The following ARAF variants were observed in gnomAD, a reference collection of about 807,000 sequenced individuals.
ARAF encodes serine/threonine-protein kinase A-Raf.
In ARAF, 18 loss-of-function variants were observed where a neutral mutation model predicts 48.0. That is an observed-to-expected ratio of 0.37 (90% confidence interval 0.26 to 0.56). The LOEUF is 0.56. Ranked by LOEUF, ARAF falls within the 20% of genes least tolerant of loss-of-function variation. The pLI, the probability that ARAF is intolerant of heterozygous loss-of-function variation, is 0.77. For missense variants in ARAF, 389 were observed against 543.1 expected, an observed-to-expected ratio of 0.72 and a Z score of 2.82; for synonymous variants, 207 against 220.1, an observed-to-expected ratio of 0.94 and a Z score of 0.53.
chrX:47,570,139 A>C, intron 14 of ARAF, 115 bp downstream of exon 14: 1 of 902,318 alleles, frequency 1.1e-6, no homozygotes. Context: ...GAAACCTAAA[A>C]TTTTCTAGGA....
intron 10 of ARAF, 91 bp downstream of exon 10, chrX:47,567,523 T>C (rs1356017041): frequency 1.0e-6 from 1 of 963,567 alleles, no homozygotes; most frequent in African/African-American, 1.9e-5. Context: ...TTCCTGGACA[T>C]CACCTGTGTT....
intron 3 of ARAF, 44 bp from the exon 4 acceptor site, chrX:47,564,752 GC>G (rs1214209895): frequency 1.5e-5 from 16 of 1,085,291 alleles, no homozygotes; most frequent in Admixed American, 2.6e-5. Flanking sequence ...CCTCCCCATG[GC>G]CCCTACCCAA....
At position 47,567,567 on chromosome X, in the gene ARAF, C is replaced by T. The variant is rs767450736; in HGVS notation, c.1076+135C>T. 6.0e-5 allele frequency: 42 copies of T among 695,975 alleles called. No individual in the cohort carries two copies. The African/African-American group carries it at 8.6e-4, about 14-fold the overall frequency. 57.4% of individuals were successfully genotyped at this position (695,975 alleles called of 1,213,427 possible). ...TAAACCATCATCAGAAGTTGTTTCT[C>T]TCTGAAGGGTGTCCCTTTCCCCTCT... On this transcript the variant is annotated intron_variant, in intron 10 of 15. Coordinates refer to ENST00000377045, the MANE Select transcript of ARAF (RefSeq NM_001654.5).
In ARAF at chrX:47,564,973, C is replaced by T. The variant is rs746296307; in HGVS notation, c.304-12C>T. Reference sequence around the variant, plus strand: ...TGACCAGGTCTCAAACTTCCCTGCTCTGTGGCATCAGGTACGGAAGACCTT... The same window carrying T: ...TGACCAGGTCTCAAACTTCCCTGCTTTGTGGCATCAGGTACGGAAGACCTT... On this transcript the variant is annotated splice_polypyrimidine_tract_variant and intron_variant, in intron 4 of 15. Transcript: ENST00000377045. 6.9e-5 allele frequency: 83 copies of T among 1,210,385 alleles called. No individual in the cohort carries two copies. The highest frequency in any genetic ancestry group is 8.7e-5 in the Non-Finnish European group (78 of 895,220).
chrX:47,565,706 T>C (rs2057729678), intron 6 of ARAF: 1 of 119,839 alleles, frequency 8.3e-6, no homozygotes, highest in Non-Finnish European at 1.7e-5. Context: ...CTTTGCTAAT[T>C]CTAGTATAAT....
intron 1 of ARAF, among the ~76,000 whole-genome samples, chrX:47,561,979 C>G (rs951542034): frequency 2.0e-5 from 2 of 98,913 alleles, no homozygotes; most frequent in Admixed American, 1.1e-4. Flanking sequence ...ACCCCCCCCC[C>G]CCATGAATTC....
rs1485124580 is a variant in ARAF at position 47,571,856 on chromosome X, C to G, written c.*399C>G. ...GGGGGTCCCTTTTGTGTCTCCCCCG[C>G]CATTCAAGGACTCCTCTCTTTCTTC... On this transcript the variant is annotated 3_prime_UTR_variant, in exon 16 of 16. Coordinates refer to ENST00000377045, the MANE Select transcript of ARAF (RefSeq NM_001654.5). 1 of 195,114 alleles carries G rather than the reference C, an allele frequency of 5.1e-6. No individual in the cohort carries two copies. Among genetic ancestry groups the G allele is most frequent in the Non-Finnish European group, 9.5e-6 (1 of 105,754 alleles). The allele number at this position is 195,114 out of a possible 1,213,427, so 16.1% of individuals were successfully genotyped here.
chrX:47,561,539 T>C (rs2057708208), intron 1 of ARAF, among the ~76,000 whole-genome samples: 1 of 111,563 alleles, frequency 9.0e-6, no homozygotes, highest in African/African-American at 3.3e-5. Flanking sequence ...GACCGAGTGG[T>C]GCCGGGATTC....
intron 15 of ARAF, 111 bp from the exon 16 acceptor site, chrX:47,571,212 G>GGGT: frequency 1.7e-6 from 1 of 577,818 alleles, no homozygotes; most frequent in Non-Finnish European, 2.3e-6. Flanking sequence ...GGGACTGTTG[G>GGGT]GTGTGTGTGT....
rs1337630128 is a variant in ARAF, at chrX:47,570,804, C to T, written c.1552-74C>T. On this transcript the variant is annotated intron_variant, in intron 14 of 15. Transcript: ENST00000377045. ...CGCTAAAAATGAACCTTCCAAGTCCCTCAATACAAAATTCCTTGGGCCTCC... is the reference window on the plus strand; with the variant it reads ...CGCTAAAAATGAACCTTCCAAGTCCTTCAATACAAAATTCCTTGGGCCTCC... The T allele has an allele frequency of 5.6e-6, 6 of 1,077,296 alleles. No individual in the cohort carries two copies. The African/African-American group carries it at 1.1e-4, about 20-fold the overall frequency. 88.8% of individuals were successfully genotyped at this position (1,077,296 alleles called of 1,213,427 possible). A position where few individuals can be genotyped will look rare whatever the true frequency, so the allele number is the denominator to read the frequency against.
intron 15 of ARAF, 94 bp downstream of exon 15, chrX:47,571,106 G>A (rs779522126): frequency 3.0e-6 from 3 of 1,003,117 alleles, no homozygotes; most frequent in Non-Finnish European, 4.0e-6. Flanking sequence ...AAGCTCAGAG[G>A]TATAGTGTGT....
Position 47,568,758 on chromosome X carries a change from A to G in ARAF, c.1117A>G (p.Met373Val). Residue 373 changes from methionine (M) to valine (V), a missense_variant, in exon 11 of 16, where the codon ATG (methionine) becomes GTG (valine). By Grantham distance (21) the Met-to-Val change is conservative. Coordinates refer to ENST00000377045, the MANE Select transcript of ARAF (RefSeq NM_001654.5). ...HVNILLFMGF[M>V]TRPGFAIITQ... ...CAACATCTTGCTGTTTATGGGCTTC[A>G]TGACCCGGCCGGGATTTGCCATCAT... The G allele has an allele frequency of 2.5e-6, 3 of 1,211,444 alleles. No individual in the cohort carries two copies. Among genetic ancestry groups the G allele is most frequent in the Non-Finnish European group, 2.2e-6 (2 of 895,355 alleles).
chrX:47,567,460 G>A (rs781552146), intron 10 of ARAF, 28 bp downstream of exon 10: 18 of 1,177,899 alleles, frequency 1.5e-5, no homozygotes, highest in Middle Eastern at 5.7e-4. Flanking sequence ...CGTGGATGGG[G>A]GTGGCAGGCC....
At chrX:47,568,144 G>A (rs1375655106) in intron 10 of ARAF, among the ~76,000 whole-genome samples, 2 of 111,137 alleles carry the variant, frequency 1.8e-5, no homozygotes, top group African/African-American at 6.6e-5. Flanking sequence ...TGAGGAACAT[G>A]AGGCCCAGAG....
At chrX:47,564,336 A>G (rs1253604134) in intron 3 of ARAF, among the ~76,000 whole-genome samples, 1 of 110,280 alleles carries the variant, frequency 9.1e-6, no homozygotes, top group Non-Finnish European at 1.9e-5. Flanking sequence ...CTTCTTCCTC[A>G]TTTTCCCCAT....
At chrX:47,569,096 TGTG>T (rs965999953) in intron 12 of ARAF, 63 bp downstream of exon 12, 78 of 1,129,138 alleles carry the variant, frequency 6.9e-5, no homozygotes, top group Non-Finnish European at 8.8e-5. Context: ...GGATGCCTCT[TGTG>T]GGGGTTCTGG....
Position 47,567,370 on chromosome X carries a change from C to G in ARAF, c.1014C>G (p.Leu338=). ...RWHGDVAVKV[L]KVSQPTAEQA... is the part of the protein sequence containing the mutation. ...ATGGCGATGTGGCCGTGAAGGTGCT[C>G]AAGGTGTCCCAGCCCACAGCTGAGC... Residue 338 remains leucine (L), a synonymous_variant, in exon 10 of 16, where the codon CTC becomes CTG. Coordinates refer to ENST00000377045, the MANE Select transcript of ARAF (RefSeq NM_001654.5). 8.3e-7 allele frequency: 1 copy of G among 1,209,952 alleles called. No homozygotes were observed. Among genetic ancestry groups the G allele is most frequent in the Non-Finnish European group, 1.1e-6 (1 of 894,763 alleles).
At chrX:47,562,807 G>T in intron 1 of ARAF, 102 bp from the exon 2 acceptor site, 1 of 444,474 alleles carries the variant, frequency 2.2e-6, no homozygotes, top group Non-Finnish European at 3.9e-6. Flanking sequence ...TAGGCTGCAG[G>T]GGGCGACAGG....
intron 1 of ARAF, among the ~76,000 whole-genome samples, chrX:47,562,508 A>AC (rs370940139): frequency 7.8e-4 from 81 of 103,759 alleles, no homozygotes; most frequent in Non-Finnish European, 7.5e-4. Flanking sequence ...ACAGAAAAAA[A>AC]AAAAAAAAAA....
Sources: allele counts gnomAD v4.1 joint callset (sites outside exome capture counted in the v4.1 genomes callset), GRCh38; gene constraint gnomAD v4.1.1; transcripts MANE v1.5; gene names NCBI Gene and HGNC (gene_info 2026-07-23, HGNC 2026-07-21).